NEXN: variants seen among roughly 807,000 people sequenced by gnomAD.
The protein encoded by NEXN is nexilin.
Under a neutral mutation model 92.6 loss-of-function variants are expected in NEXN, and 65 were observed. The ratio of observed to expected loss-of-function variants is 0.70; its 90% CI spans 0.57 to 0.86. The LOEUF (loss-of-function observed/expected upper bound fraction) is 0.86, where lower values mean the gene tolerates loss of function less well. Among genes scored for constraint, NEXN ranks in the 40% least tolerant of loss-of-function variants. NEXN has a pLI of 0.00. For synonymous variants in NEXN, 254 were observed against 242.5 expected, an observed-to-expected ratio of 1.05 and a Z score of -0.44; for missense variants, 778 against 771.1, an observed-to-expected ratio of 1.01 and a Z score of -0.11.
intron 2 of NEXN, 91 bp from the exon 3 acceptor site, chr1:77,917,474 TA>T (rs1483157694): frequency 6.4e-6 from 6 of 932,370 alleles, no homozygotes; most frequent in Non-Finnish European, 1.0e-5. Context: ...TTTCAATAAA[TA>T]TTTTTTATAT....
At chr1:77,897,184 AAGC>A (rs1283017204) in intron 1 of NEXN, among the ~76,000 whole-genome samples, 36 of 152,338 alleles carry the variant, frequency 2.4e-4, no homozygotes, top group African/African-American at 7.9e-4. Flanking sequence ...CCTGATACCA[AAGC>A]CTGGCAGAGA....
chr1:77,905,558 G>A (rs1648052099), intron 1 of NEXN, among the ~76,000 whole-genome samples: 1 of 151,442 alleles, frequency 6.6e-6, no homozygotes, highest in East Asian at 2.0e-4. Flanking sequence ...TGGGTATGGT[G>A]GTGCAAGCCT....
At chr1:77,938,485 C>A (rs1650973846) in intron 11 of NEXN, among the ~76,000 whole-genome samples, 1 of 150,620 alleles carries the variant, frequency 6.6e-6, no homozygotes, top group African/African-American at 2.4e-5. Context: ...CCCGTCTCTA[C>A]TAAAAATACA....
chr1:77,904,456 CAGTT>C (rs1414617674), intron 1 of NEXN, among the ~76,000 whole-genome samples: 15 of 152,128 alleles, frequency 9.9e-5, no homozygotes, highest in African/African-American at 3.6e-4. Context: ...ATAGTATAGA[CAGTT>C]TGTTAAGAGA....
Position 77,942,644 on chromosome 1 carries a change from T to C in NEXN, c.1843T>C (p.Trp615Arg). 5 of 1,613,728 alleles carry C rather than the reference T, an allele frequency of 3.1e-6. No individual in the cohort carries two copies. Among genetic ancestry groups the C allele is most frequent in the Non-Finnish European group, 4.2e-6 (5 of 1,179,728 alleles). ...VTGEPKPEIT[W>R]WFEGEILQDG... ...AGGAGAACCCAAACCAGAAATTACA[T>C]GGTGGTTTGAAGGAGAAATACTGCA... Residue 615 changes from tryptophan (W) to arginine (R), a missense_variant, in exon 13 of 13, where the codon TGG (tryptophan) becomes CGG (arginine). This residue lies in a region of NEXN where 532 missense variants were observed against 476.7 expected (regional missense o/e 1.12). Transcript: ENST00000334785.
chr1:77,924,958 C>G (rs894416539), intron 5 of NEXN, among the ~76,000 whole-genome samples: 3 of 152,106 alleles, frequency 2.0e-5, no homozygotes, highest in Non-Finnish European at 4.4e-5. Context: ...CCTCGTCCAG[C>G]CTGATTGTTT....
At chr1:77,919,931 G>C (rs1233602664) in intron 5 of NEXN, among the ~76,000 whole-genome samples, 3 of 145,792 alleles carry the variant, frequency 2.1e-5, no homozygotes, top group Non-Finnish European at 1.5e-5. Context: ...ACGGAGTCTC[G>C]CTCTGTCACC....
chr1:77,921,649 C>T lies in NEXN; in HGVS notation c.447+3376C>T, dbSNP rs566324042. ...TTTTGGCCAGGTGTGGTGGCTCACA[C>T]CTGTAATACCAGCACTTTGGGAGAC... On this transcript the variant is annotated intron_variant, in intron 5 of 12. Coordinates refer to ENST00000334785, the MANE Select transcript of NEXN (RefSeq NM_144573.4). Among the ~76,000 whole-genome samples the T allele has an allele frequency of 2.8e-3, 431 of 152,184 alleles. 2 individuals carry two copies. The highest frequency in any genetic ancestry group is 5.0e-3 in the Non-Finnish European group (341 of 68,010).
At chr1:77,928,101 G>A (rs536727971) in intron 8 of NEXN, among the ~76,000 whole-genome samples, 1 of 152,060 alleles carries the variant, frequency 6.6e-6, no homozygotes, top group South Asian at 2.1e-4. Flanking sequence ...TTGAGCCCAG[G>A]AGTTTGAGAC....
At position 77,919,702 on chromosome 1, in the gene NEXN, C is replaced by T. The variant is rs549446060; in HGVS notation, c.447+1429C>T. Among the ~76,000 whole-genome samples, 5 of 151,036 alleles carry T rather than the reference C, an allele frequency of 3.3e-5. No individual in the cohort carries two copies. In the East Asian group the frequency reaches 9.8e-4, roughly 30 times the overall value. Reference sequence around the variant, plus strand: ...GCAACCTCCACCACCCAGGTTGAAGCGATTCTCCTGTCTCAACCTCCTGAG... The same window carrying T: ...GCAACCTCCACCACCCAGGTTGAAGTGATTCTCCTGTCTCAACCTCCTGAG... On this transcript the variant is annotated intron_variant, in intron 5 of 12. Coordinates refer to ENST00000334785, the MANE Select transcript of NEXN (RefSeq NM_144573.4).
chr1:77,891,407 T>C (rs1047747588), intron 1 of NEXN, among the ~76,000 whole-genome samples: 3 of 152,166 alleles, frequency 2.0e-5, no homozygotes, highest in African/African-American at 7.2e-5. Context: ...TCCCATGCAG[T>C]GTCTGCCATC....
intron 11 of NEXN, among the ~76,000 whole-genome samples, chr1:77,939,393 G>A (rs1389779677): frequency 6.6e-6 from 1 of 152,180 alleles, no homozygotes; most frequent in East Asian, 1.9e-4. Flanking sequence ...AGATAAAGCT[G>A]CTTATAAAGT....
chr1:77,934,601 T>A (rs1037089729), intron 10 of NEXN, among the ~76,000 whole-genome samples: 2 of 152,256 alleles, frequency 1.3e-5, no homozygotes, highest in African/African-American at 4.8e-5. Flanking sequence ...ATCAGCCCCC[T>A]TTCCCAGGGC....
At chr1:77,893,178 T>C (rs1366882242) in intron 1 of NEXN, among the ~76,000 whole-genome samples, 1 of 152,116 alleles carries the variant, frequency 6.6e-6, no homozygotes, top group African/African-American at 2.4e-5. Flanking sequence ...CCTTAAAAAT[T>C]CTACTCCCTG....
chr1:77,918,246 G>A lies in NEXN; in HGVS notation c.420G>A (p.Gln140=). Residue 140 remains glutamine (Q), a synonymous_variant, in exon 5 of 13, where the codon CAG becomes CAA. Transcript: ENST00000334785. The part of the protein sequence containing the change: ...EQDMLEKRKI[Q]RELAKRAEQI... ...ATATGTTAGAAAAGAGGAAAATACA[G>A]CGTGAATTAGCAAAAAGGGCTGAAC... 1 of 1,614,114 alleles carries A rather than the reference G, an allele frequency of 6.2e-7. No homozygotes were observed. Among genetic ancestry groups the A allele is most frequent in the East Asian group, 2.2e-5 (1 of 44,868 alleles).
intron 10 of NEXN, among the ~76,000 whole-genome samples, chr1:77,934,240 CT>C (rs1244008621): frequency 6.6e-6 from 1 of 152,072 alleles, no homozygotes; most frequent in East Asian, 1.9e-4. Flanking sequence ...GAACTCCTGA[CT>C]TCAGGTGATC....
chr1:77,903,261 C>A (rs927907836), intron 1 of NEXN, among the ~76,000 whole-genome samples: 1 of 151,414 alleles, frequency 6.6e-6, no homozygotes, highest in African/African-American at 2.4e-5. Flanking sequence ...ACAATCATGG[C>A]TAGAAGTTCT....
intron 1 of NEXN, among the ~76,000 whole-genome samples, chr1:77,896,196 A>ATAAATAAATAAATAAG (rs1299136848): frequency 2.0e-5 from 3 of 151,742 alleles, no homozygotes; most frequent in African/African-American, 4.8e-5. Flanking sequence ...AAATAAATAA[A>ATAAATAAATAAATAAG]TAAGTTGTCG....
intron 11 of NEXN, among the ~76,000 whole-genome samples, chr1:77,938,978 T>G (rs1651026089): frequency 6.6e-6 from 1 of 152,218 alleles, no homozygotes; most frequent in Non-Finnish European, 1.5e-5. Flanking sequence ...TGGGCAACAA[T>G]GTTAATAACT....
Sources: gnomAD v4.1 joint callset for allele counts (sites outside exome capture counted in the v4.1 genomes callset) on GRCh38, gnomAD v4.1.1 for gene constraint, gnomAD v4.1.1 regional missense constraint, MANE v1.5 for transcripts, NCBI Gene and HGNC (gene_info 2026-07-23, HGNC 2026-07-21) for gene names.